RIC1: variants seen among roughly 807,000 people sequenced by gnomAD.
RIC1 encodes the protein RIC1 partner of RAB6A GEF complex.
Under a neutral mutation model 169.0 loss-of-function variants are expected in RIC1, and 88 were observed. The observed-to-expected ratio is 0.52, with a 90% confidence interval of 0.44 to 0.62. RIC1 has a LOEUF of 0.62. RIC1 is among the 20% of genes least tolerant of loss of function. The pLI is 0.00. For synonymous variants in RIC1, 790 were observed against 601.5 expected, an observed-to-expected ratio of 1.31 and a Z score of -4.59; for missense variants, 1,877 against 1,725.5, an observed-to-expected ratio of 1.09 and a Z score of -1.56.
intron 2 of RIC1, among the ~76,000 whole-genome samples, chr9:5,676,857 G>C (rs149256202): frequency 2.1e-4 from 32 of 152,184 alleles, no homozygotes; most frequent in African/African-American, 6.7e-4. Context: ...CATCCATTTT[G>C]TCGTGAATCA....
At position 5,738,845 on chromosome 9, in the gene RIC1, A is replaced by G. The variant is rs548934993; in HGVS notation, c.901+307A>G. Among the ~76,000 whole-genome samples the G allele has an allele frequency of 2.6e-5, 4 of 152,214 alleles. No individual in the cohort carries two copies. The East Asian group carries it at 7.7e-4, about 29-fold the overall frequency. On this transcript the variant is annotated intron_variant, in intron 8 of 25. Transcript: ENST00000414202. ...ACCATAATTAATTAGCCAATGCCCA[A>G]GTTCTACACAAGTCAGACTATTCTG...
chr9:5,653,465 A>G (rs1022665036), intron 1 of RIC1, among the ~76,000 whole-genome samples: 18 of 152,212 alleles, frequency 1.2e-4, no homozygotes, highest in African/African-American at 4.3e-4. Flanking sequence ...CAGAAAATAA[A>G]TTGCTGGGAA....
chr9:5,677,865 T>C lies in RIC1; in HGVS notation c.253-12094T>C, dbSNP rs545027870. Among the ~76,000 whole-genome samples, 32 of 152,304 alleles carry C rather than the reference T, an allele frequency of 2.1e-4. No homozygotes were observed. In the East Asian group the frequency reaches 5.6e-3, roughly 27 times the overall value. The stretch of plus-strand genomic sequence containing the variant: ...CTTTTTTTTTAAATTTTATTATTAT[T>C]ATACTTTAAGTTTTAGGGTACATGT... On this transcript the variant is annotated intron_variant, in intron 2 of 25. Transcript: ENST00000414202.
In RIC1 at chr9:5,753,643, C is replaced by G. The variant is rs2131039110; in HGVS notation, c.1599C>G (p.Thr533=). ...TKKWKLFGNI[T]QEQNMIVTGG... is the part of the protein sequence containing the mutation. ...AATGGAAACTTTTTGGAAACATTACCCAGGTTAGTCTTTTTTGAGATTAAA... is the reference window on the plus strand; with the variant it reads ...AATGGAAACTTTTTGGAAACATTACGCAGGTTAGTCTTTTTTGAGATTAAA... Residue 533 remains threonine, a synonymous_variant, in exon 14 of 26, where the codon ACC becomes ACG. Transcript: ENST00000414202. 2 of 1,520,820 alleles carry G rather than the reference C, an allele frequency of 1.3e-6. No homozygotes were observed. The highest frequency in any genetic ancestry group is 2.8e-5 in the African/African-American group (2 of 72,226). 94.2% of individuals were successfully genotyped at this position (1,520,820 alleles called of 1,614,324 possible).
At chr9:5,695,778 C>T (rs916472027) in intron 3 of RIC1, among the ~76,000 whole-genome samples, 16 of 151,870 alleles carry the variant, frequency 1.1e-4, no homozygotes, top group African/African-American at 3.6e-4. Context: ...ACTATGTTGG[C>T]CAGGATGGTC....
At chr9:5,633,241 CTG>C (rs1357042902) in intron 1 of RIC1, among the ~76,000 whole-genome samples, 17 of 152,248 alleles carry the variant, frequency 1.1e-4, no homozygotes, top group African/African-American at 4.1e-4. Context: ...ATGTGATTAA[CTG>C]TGTTGACCTC....
rs1429852932 is a variant in RIC1, at chr9:5,774,403, C to G, written c.*157C>G. On this transcript the variant is annotated 3_prime_UTR_variant, in exon 26 of 26. Transcript: ENST00000414202. ...ACTAATTCTTTCTTGTCTAAGAAAT[C>G]TTTTTGACTCCATAAAAATGTGATA... is the stretch of plus-strand genomic sequence containing the variant. The G allele has an allele frequency of 1.7e-6, 1 of 576,988 alleles. No homozygotes were observed. Among genetic ancestry groups the G allele is most frequent in the African/African-American group, 1.8e-5 (1 of 54,076 alleles). The allele number at this position is 576,988 out of a possible 1,614,324, so 35.7% of individuals were successfully genotyped here. A position where few individuals can be genotyped will look rare whatever the true frequency, so the allele number is the denominator to read the frequency against.
At chr9:5,730,013 A>G (rs1182590736) in intron 6 of RIC1, among the ~76,000 whole-genome samples, 1 of 151,696 alleles carries the variant, frequency 6.6e-6, no homozygotes, top group African/African-American at 2.4e-5. Flanking sequence ...TATGTAATTA[A>G]ATAATTTTTT....
At chr9:5,722,337 A>AAGAGAGAG (rs147623001) in intron 6 of RIC1, among the ~76,000 whole-genome samples, 7,168 of 115,050 alleles carry the variant, frequency 0.062, 247 homozygotes, top group South Asian at 0.13. Context: ...CAAAAACTAT[A>AAGAGAGAG]AGAGAGAGAG....
At chr9:5,778,555 C>T (rs544187000), downstream of RIC1, among the ~76,000 whole-genome samples, 3 of 152,228 alleles carry the variant, frequency 2.0e-5, no homozygotes, top group Non-Finnish European at 4.4e-5. Context: ...AGGATGTTGC[C>T]TTCTGTATAG....
At chr9:5,762,497 C>T in intron 17 of RIC1, 44 bp from the exon 18 acceptor site, 3 of 1,607,074 alleles carry the variant, frequency 1.9e-6, no homozygotes, top group Non-Finnish European at 2.6e-6. Context: ...GGAAAGCATA[C>T]CGATACAGAA....
chr9:5,728,491 C>T (rs146904304), intron 6 of RIC1, among the ~76,000 whole-genome samples: 67 of 152,338 alleles, frequency 4.4e-4, no homozygotes, highest in African/African-American at 1.3e-3. Context: ...TTGCACTTCC[C>T]GGGTGAGGTG....
intron 1 of RIC1, among the ~76,000 whole-genome samples, chr9:5,656,097 C>T (rs959031201): frequency 1.3e-5 from 2 of 151,750 alleles, no homozygotes; most frequent in Non-Finnish European, 2.9e-5. Flanking sequence ...GTCTCCATCT[C>T]CTAACCTTGT....
intron 8 of RIC1, among the ~76,000 whole-genome samples, chr9:5,739,299 A>C (rs941774421): frequency 6.6e-6 from 1 of 152,128 alleles, no homozygotes; most frequent in Non-Finnish European, 1.5e-5. Flanking sequence ...ACGCAAATCA[A>C]CTATTAGAAC....
intron 2 of RIC1, among the ~76,000 whole-genome samples, chr9:5,683,379 C>T (rs1472738538): frequency 2.6e-5 from 4 of 152,216 alleles, no homozygotes; most frequent in African/African-American, 7.2e-5. Context: ...GGACCCTCAG[C>T]TGCAGGTCTG....
chr9:5,634,645 TA>T (rs1817882591), intron 1 of RIC1, among the ~76,000 whole-genome samples: 1 of 152,234 alleles, frequency 6.6e-6, no homozygotes, highest in African/African-American at 2.4e-5. Flanking sequence ...GGTTTGCAGA[TA>T]TTTTCTCCTA....
At chr9:5,650,164 G>A (rs1461558515) in intron 1 of RIC1, among the ~76,000 whole-genome samples, 1 of 152,098 alleles carries the variant, frequency 6.6e-6, no homozygotes, top group African/African-American at 2.4e-5. Context: ...CCTCCATATG[G>A]CTTGCTTAGG....
chr9:5,727,356 C>G (rs148016954), intron 6 of RIC1, among the ~76,000 whole-genome samples: 14 of 152,316 alleles, frequency 9.2e-5, no homozygotes, highest in African/African-American at 2.9e-4. Flanking sequence ...GCAGGCATCA[C>G]ATAGTTCTCG....
At chr9:5,640,328 G>T (rs747631757) in intron 1 of RIC1, among the ~76,000 whole-genome samples, 5 of 152,132 alleles carry the variant, frequency 3.3e-5, no homozygotes, top group Non-Finnish European at 7.4e-5. Flanking sequence ...TGTATAAGCA[G>T]TCAAACACAC....
Sources: allele counts gnomAD v4.1 joint callset (sites outside exome capture counted in the v4.1 genomes callset), GRCh38; gene constraint gnomAD v4.1.1; transcripts MANE v1.5; gene names NCBI Gene and HGNC (gene_info 2026-07-23, HGNC 2026-07-21).